Variants in ABCB11 observed in about 807,000 individuals in gnomAD.
ABCB11 encodes bile salt export pump.
In ABCB11, 95 loss-of-function variants were observed where a neutral mutation model predicts 148.0. That is an observed-to-expected ratio of 0.64 (90% CI 0.54 to 0.76). The LOEUF (loss-of-function observed/expected upper bound fraction) is 0.76. Ranked by LOEUF, ABCB11 falls within the 30% of genes least tolerant of loss-of-function variation. The probability of loss-of-function intolerance (pLI) is 0.00; values close to 1 mark genes in which losing one functional copy is unlikely to be tolerated. For missense variants in ABCB11, 1,523 were observed against 1,617.8 expected (o/e 0.94, Z 1.01); for synonymous variants, 591 against 555.4 (o/e 1.06, Z -0.90).
intron 3 of ABCB11, among the ~76,000 whole-genome samples, chr2:169,015,663 T>C (rs1375145281): frequency 1.3e-5 from 2 of 152,100 alleles, no homozygotes; most frequent in Non-Finnish European, 2.9e-5. Flanking sequence ...CTTTAAAATT[T>C]CAACCCCACC....
chr2:168,943,705 C>T (rs539942258), intron 21 of ABCB11, among the ~76,000 whole-genome samples: 42 of 151,996 alleles, frequency 2.8e-4, no homozygotes, highest in South Asian at 8.3e-4. Context: ...TTCCATGATC[C>T]GTTGAAATTC....
chr2:168,969,598 C>G (rs770261314), intron 15 of ABCB11, 47 bp from the exon 16 acceptor site: 2 of 1,497,734 alleles, frequency 1.3e-6, no homozygotes, highest in African/African-American at 2.8e-5. Context: ...TGAGACAGAG[C>G]TGACACTGAC....
chr2:169,029,722 CTCTTT>C (rs1421930969), intron 1 of ABCB11, among the ~76,000 whole-genome samples: 3 of 114,124 alleles, frequency 2.6e-5, no homozygotes, highest in African/African-American at 1.2e-4. Context: ...CAGTTCTTTC[CTCTTT>C]TTTTTTTTTT....
chr2:169,027,813 A>T (rs1012680837), intron 1 of ABCB11, among the ~76,000 whole-genome samples: 4 of 152,128 alleles, frequency 2.6e-5, no homozygotes, highest in Non-Finnish European at 5.9e-5. Context: ...ACTGGTGGGG[A>T]TGTCAGCCTG....
At chr2:169,014,174 C>A (rs572684867) in intron 4 of ABCB11, 129 bp downstream of exon 4, 4 of 873,818 alleles carry the variant, frequency 4.6e-6, no homozygotes, top group Admixed American at 1.8e-5. Context: ...ATAGGCAAAG[C>A]CTATGACTGA....
intron 10 of ABCB11, among the ~76,000 whole-genome samples, chr2:168,983,389 C>G (rs1421878023): frequency 1.3e-5 from 2 of 152,140 alleles, no homozygotes; most frequent in Non-Finnish European, 2.9e-5. Flanking sequence ...TCTGGACCTG[C>G]AATACTTCAG....
At chr2:168,963,737 T>C (rs1693175169) in intron 18 of ABCB11, among the ~76,000 whole-genome samples, 1 of 151,814 alleles carries the variant, frequency 6.6e-6, no homozygotes, top group African/African-American at 2.4e-5. Context: ...TTCAAATATT[T>C]TGATAACTTG....
At position 168,958,596 on chromosome 2, in the gene ABCB11, T is replaced by A. The variant is rs72886778; in HGVS notation, c.2179-468A>T. On this transcript the variant is annotated intron_variant, in intron 18 of 27. Coordinates refer to ENST00000650372, the MANE Select transcript of ABCB11 (RefSeq NM_003742.4). ...ATATGAAATAAGACAAAATAATTTT[T>A]AAAATACATTAAGTGGTGTCAACAG... Among the ~76,000 whole-genome samples, 1,142 of 151,828 alleles carry A rather than the reference T, an allele frequency of 7.5e-3. 6 individuals are homozygous for A. Among genetic ancestry groups the A allele is most frequent in the Non-Finnish European group, 0.012 (832 of 67,772 alleles).
At chr2:169,007,360 T>C (rs1231433103) in intron 5 of ABCB11, among the ~76,000 whole-genome samples, 1 of 152,332 alleles carries the variant, frequency 6.6e-6, no homozygotes, top group East Asian at 1.9e-4. Flanking sequence ...AAGTGGATCG[T>C]AGACTAACCG....
intron 16 of ABCB11, among the ~76,000 whole-genome samples, 164 bp from the exon 17 acceptor site, chr2:168,968,654 A>G (rs1453717957): frequency 6.6e-6 from 1 of 151,960 alleles, no homozygotes. Flanking sequence ...TGTCCTGCAG[A>G]TTCTAATAAA....
At chr2:168,918,392 A>G (rs1482870515), downstream of ABCB11, among the ~76,000 whole-genome samples, 1 of 152,208 alleles carries the variant, frequency 6.6e-6, no homozygotes, top group Non-Finnish European at 1.5e-5. Flanking sequence ...AGTTACCAAA[A>G]TTTGGCAGAA....
chr2:168,953,299 A>G (rs1692648095), intron 19 of ABCB11, among the ~76,000 whole-genome samples: 1 of 151,584 alleles, frequency 6.6e-6, no homozygotes, highest in African/African-American at 2.4e-5. Flanking sequence ...TGTGAGTGGC[A>G]TGTTAAATTC....
At chr2:169,005,561 C>T (rs1399652121) in intron 5 of ABCB11, among the ~76,000 whole-genome samples, 1 of 152,174 alleles carries the variant, frequency 6.6e-6, no homozygotes, top group Non-Finnish European at 1.5e-5. Flanking sequence ...GTGCCCCCAA[C>T]AACAGCACTG....
chr2:168,987,916 T>C (rs1694379178), intron 9 of ABCB11, among the ~76,000 whole-genome samples: 1 of 152,170 alleles, frequency 6.6e-6, no homozygotes, highest in Non-Finnish European at 1.5e-5. Context: ...TACAACATGA[T>C]GGTTTGAAGT....
At chr2:168,988,810 C>A (rs538468151) in intron 9 of ABCB11, among the ~76,000 whole-genome samples, 13 of 152,112 alleles carry the variant, frequency 8.5e-5, no homozygotes, top group Non-Finnish European at 1.6e-4. Context: ...GCCATTCTTA[C>A]AGGTATAAGA....
intron 19 of ABCB11, among the ~76,000 whole-genome samples, chr2:168,948,156 A>C (rs535124239): frequency 6.6e-6 from 1 of 151,892 alleles, no homozygotes; most frequent in South Asian, 2.1e-4. Flanking sequence ...AGCAGCTCAT[A>C]TGCACAGTTT....
chr2:168,996,723 C>T lies in ABCB11; in HGVS notation c.390-1G>A. 6.5e-7 allele frequency: 1 copy of T among 1,541,526 alleles called. No homozygotes were observed. The highest frequency in any genetic ancestry group is 8.8e-7 in the Non-Finnish European group (1 of 1,139,096). ...CATTTCGCTCTCGATGTTCAGCAAC[C>T]TTCAAAAGAGGGAAAAGAATGTTCA... On this transcript the variant is annotated splice_acceptor_variant, in intron 5 of 27. Transcript: ENST00000650372. LOFTEE classifies it high-confidence loss of function.
chr2:168,933,696 C>T (rs554795960), intron 23 of ABCB11, among the ~76,000 whole-genome samples: 21 of 152,150 alleles, frequency 1.4e-4, no homozygotes, highest in Non-Finnish European at 2.6e-4. Flanking sequence ...TGGAAGATGA[C>T]GTTCCAATTT....
intron 10 of ABCB11, among the ~76,000 whole-genome samples, chr2:168,982,912 G>A (rs1299241549): frequency 6.6e-6 from 1 of 152,136 alleles, no homozygotes; most frequent in Non-Finnish European, 1.5e-5. Context: ...GGAGTAACAG[G>A]TTAATAATCA....
Sources: allele counts gnomAD v4.1 joint callset (sites outside exome capture counted in the v4.1 genomes callset), GRCh38; gene constraint gnomAD v4.1.1; transcripts MANE v1.5; gene names NCBI Gene and HGNC (gene_info 2026-07-23, HGNC 2026-07-21).